Variants in LIPA observed in about 807,000 individuals in gnomAD.
The protein encoded by LIPA is lysosomal acid lipase/cholesteryl ester hydrolase.
Under a neutral mutation model 40.6 loss-of-function variants are expected in LIPA, and 26 were observed. That is an observed-to-expected ratio of 0.64 (90% CI 0.47 to 0.89). The LOEUF is 0.89. Ranked by LOEUF, LIPA falls within the 40% of genes least tolerant of loss-of-function variation. LIPA has a pLI of 0.00. For synonymous variants in LIPA, 188 were observed against 168.4 expected (o/e 1.12, Z -0.90); for missense variants, 455 against 479.6 (o/e 0.95, Z 0.48).
chr10:89,353,347 T>C (rs1843970069), intron 2 of LIPA, among the ~76,000 whole-genome samples: 1 of 152,122 alleles, frequency 6.6e-6, no homozygotes, highest in Non-Finnish European at 1.5e-5. Flanking sequence ...AGGGAAACAA[T>C]GCCTCAAGTG....
chr10:89,404,434 G>A (rs1029988375), intron 2 of LIPA: 1 of 152,216 alleles, frequency 6.6e-6, no homozygotes, highest in Non-Finnish European at 1.5e-5. Context: ...TAATTTTGCT[G>A]TATTTTAATG....
chr10:89,307,083 G>T (rs199839737), intron 1 of LIPA: 2 of 1,613,938 alleles, frequency 1.2e-6, no homozygotes, highest in Non-Finnish European at 1.7e-6. Flanking sequence ...CTCCATCTGC[G>T]GTATGGCAAC....
chr10:89,244,279 C>A (rs1842997546), intron 3 of LIPA, among the ~76,000 whole-genome samples: 1 of 151,988 alleles, frequency 6.6e-6, no homozygotes, highest in South Asian at 2.1e-4. Context: ...TAAGAAAAAA[C>A]AAAGCAAATA....
At chr10:89,389,975 CTTTTTT>C (rs56947144) in intron 2 of LIPA, among the ~76,000 whole-genome samples, 3 of 80,328 alleles carry the variant, frequency 3.7e-5, no homozygotes, top group Non-Finnish European at 6.7e-5. Context: ...AGATTTCTTT[CTTTTTT>C]TTTTTTTTTT....
intron 2 of LIPA, among the ~76,000 whole-genome samples, chr10:89,382,075 C>G (rs304492): frequency 6.6e-6 from 1 of 151,920 alleles, no homozygotes; most frequent in East Asian, 1.9e-4. Flanking sequence ...TGGCCGTGAA[C>G]TTTTTCTTTC....
rs888709613 is a variant in LIPA at position 89,275,597 on chromosome 10, A to T, written c.-1-27948T>A. ...CCAGCTCCCACAATTGCATAAGATC[A>T]AATACCCAAAAGAAACGTGTATATC... On this transcript the variant is annotated intron_variant, in intron 1 of 5. Coordinates refer to the LIPA transcript ENST00000282673. 5.3e-5 allele frequency among the ~76,000 whole-genome samples: 8 copies of T among 152,308 alleles called. No homozygotes were observed. The South Asian group carries it at 1.0e-3, about 20-fold the overall frequency.
chr10:89,236,156 T>C (rs1028191682), intron 3 of LIPA, among the ~76,000 whole-genome samples: 1 of 152,160 alleles, frequency 6.6e-6, no homozygotes, highest in African/African-American at 2.4e-5. Flanking sequence ...ATACACAAAG[T>C]ATAAAAAGTT....
At chr10:89,305,011 C>A (rs1421829806) in intron 1 of LIPA, among the ~76,000 whole-genome samples, 1 of 147,660 alleles carries the variant, frequency 6.8e-6, no homozygotes, top group Admixed American at 6.7e-5. Flanking sequence ...AAAATTAAAA[C>A]AATAAAGTAC....
At position 89,248,452 on chromosome 10, in the gene LIPA, AT is replaced by A. The variant is rs1564765995; in HGVS notation, c.-1-804del. 8.9e-3 allele frequency among the ~76,000 whole-genome samples: 321 copies of A among 35,998 alleles called. 3 individuals carry two copies. The highest frequency in any genetic ancestry group is 0.029 in the African/African-American group (164 of 5,606). The allele number at this position is 35,998 out of a possible 152,430, so 23.6% of individuals were successfully genotyped here. A position where few individuals can be genotyped will look rare whatever the true frequency, so the allele number is the denominator to read the frequency against. On this transcript the variant is annotated intron_variant, in intron 1 of 9. Transcript: ENST00000336233. ...TATTATTATTATTTTATATTTATTT[AT>A]TTATTTATTTATTTATTTATTTATT...
chr10:89,242,686 T>C (rs748074540), intron 3 of LIPA, among the ~76,000 whole-genome samples: 5 of 152,262 alleles, frequency 3.3e-5, no homozygotes, highest in African/African-American at 4.8e-5. Context: ...AAATGAATAA[T>C]GTTTTAATAC....
chr10:89,299,097 C>T (rs184118482), intron 1 of LIPA, among the ~76,000 whole-genome samples: 7 of 151,488 alleles, frequency 4.6e-5, no homozygotes, highest in African/African-American at 9.7e-5. Flanking sequence ...ACACAGAAAT[C>T]GGAGAAACAA....
intron 2 of LIPA, among the ~76,000 whole-genome samples, chr10:89,392,031 C>T (rs985639944): frequency 3.9e-5 from 6 of 152,032 alleles, no homozygotes; most frequent in Non-Finnish European, 8.8e-5. Flanking sequence ...ACCATACCTC[C>T]TTGCTTTTAC....
At chr10:89,365,770 G>A (rs1844052536) in intron 2 of LIPA, among the ~76,000 whole-genome samples, 1 of 152,064 alleles carries the variant, frequency 6.6e-6, no homozygotes, top group South Asian at 2.1e-4. Flanking sequence ...TAGATGTGTG[G>A]TATTATTTCT....
intron 3 of LIPA, among the ~76,000 whole-genome samples, chr10:89,242,272 C>A (rs1842973306): frequency 6.6e-6 from 1 of 152,354 alleles, no homozygotes; most frequent in South Asian, 2.1e-4. Context: ...CATGCACATA[C>A]TGCACGAGTA....
chr10:89,233,213 C>T (rs1372434881), intron 3 of LIPA, among the ~76,000 whole-genome samples: 1 of 152,196 alleles, frequency 6.6e-6, no homozygotes, highest in Non-Finnish European at 1.5e-5. Context: ...AAAGATGCAG[C>T]AGATGGGAAG....
At chr10:89,376,548 G>T (rs1035712073) in intron 2 of LIPA, among the ~76,000 whole-genome samples, 1 of 152,172 alleles carries the variant, frequency 6.6e-6, no homozygotes, top group Non-Finnish European at 1.5e-5. Flanking sequence ...GAGAAGAGCT[G>T]CCCCAGACAT....
intron 1 of LIPA, among the ~76,000 whole-genome samples, chr10:89,264,389 T>C (rs1207873565): frequency 6.6e-6 from 1 of 151,894 alleles, no homozygotes; most frequent in Non-Finnish European, 1.5e-5. Flanking sequence ...TGATCAGCCC[T>C]CAGAGGAGAG....
intron 2 of LIPA, among the ~76,000 whole-genome samples, chr10:89,401,538 G>A (rs938987159): frequency 3.3e-5 from 5 of 152,116 alleles, no homozygotes; most frequent in Non-Finnish European, 7.4e-5. Flanking sequence ...GGTAATATGA[G>A]GGAGATGTGG....
intron 2 of LIPA, among the ~76,000 whole-genome samples, chr10:89,365,990 A>T (rs535513880): frequency 1.3e-5 from 2 of 152,194 alleles, no homozygotes; most frequent in Admixed American, 1.3e-4. Flanking sequence ...CTGTGAAGAA[A>T]GTCATTGGTA....
Sources: gnomAD v4.1 joint callset for allele counts (sites outside exome capture counted in the v4.1 genomes callset) on GRCh38, gnomAD v4.1.1 for gene constraint, MANE v1.5 for transcripts, NCBI Gene and HGNC (gene_info 2026-07-23, HGNC 2026-07-21) for gene names.